Variants in PDE1C observed in about 807,000 individuals in gnomAD.
PDE1C encodes the protein dual specificity calcium/calmodulin-dependent 3',5'-cyclic nucleotide phosphodiesterase 1C.
In PDE1C, 62 loss-of-function variants were observed where a neutral mutation model predicts 93.1. The observed-to-expected ratio is 0.67, with a 90% confidence interval of 0.54 to 0.82. PDE1C has a LOEUF of 0.82. Among genes scored for constraint, PDE1C ranks in the 40% least tolerant of loss-of-function variants. The pLI is 0.00. For missense variants in PDE1C, 742 were observed against 884.6 expected, an observed-to-expected ratio of 0.84 and a Z score of 2.04; for synonymous variants, 325 against 310.1, an observed-to-expected ratio of 1.05 and a Z score of -0.50.
Position 31,844,897 on chromosome 7 carries a change from T to C in PDE1C, c.980+3071A>G, listed in dbSNP as rs1226628135. 1.3e-5 allele frequency among the ~76,000 whole-genome samples: 2 copies of C among 152,106 alleles called. 1 individual carries two copies. Among genetic ancestry groups the C allele is most frequent in the African/African-American group, 4.8e-5 (2 of 41,448 alleles). On this transcript the variant is annotated intron_variant, in intron 9 of 17. Transcript: ENST00000396191. ...CTTTGAAACCTGAAAAATGAATTTT[T>C]AAAAGTCACTGTTTCCTTCTTCTGT...
chr7:32,285,896 C>G (rs1310792247), intron 1 of PDE1C, among the ~76,000 whole-genome samples: 1 of 151,954 alleles, frequency 6.6e-6, no homozygotes, highest in Non-Finnish European at 1.5e-5. Flanking sequence ...CAACCCCTCC[C>G]CCTGCATTAT....
At position 31,816,164 on chromosome 7, in the gene PDE1C, T is replaced by C. The variant is rs768131142; in HGVS notation, c.1583-10A>G. On this transcript the variant is annotated splice_polypyrimidine_tract_variant and intron_variant, in intron 14 of 17. Coordinates refer to ENST00000396191, the MANE Select transcript of PDE1C (RefSeq NM_001191057.4). ...TTCTTGGCCTTCTCCTCTGCATCCA[T>C]GGCAAGTTGGGAAAGCCACAGAAAA... is the stretch of plus-strand genomic sequence containing the variant. The C allele has an allele frequency of 1.1e-5, 17 of 1,610,342 alleles. No homozygotes were observed. Among genetic ancestry groups the C allele is most frequent in the African/African-American group, 1.3e-5 (1 of 74,656 alleles).
At chr7:31,648,418 T>A in the PDE1C span, among the ~76,000 whole-genome samples, 1 of 152,206 alleles carries the variant, frequency 6.6e-6, no homozygotes, top group South Asian at 2.1e-4. Context: ...CAGTTTTCTT[T>A]ATTATGAAAT....
intron 1 of PDE1C, among the ~76,000 whole-genome samples, chr7:32,334,872 C>A (rs892880473): frequency 6.6e-6 from 1 of 152,088 alleles, no homozygotes; most frequent in Non-Finnish European, 1.5e-5. Context: ...ATATGCATTT[C>A]TTTCTTTAAA....
chr7:32,127,802 C>A (rs1799668963), intron 3 of PDE1C, among the ~76,000 whole-genome samples: 1 of 151,800 alleles, frequency 6.6e-6, no homozygotes, highest in South Asian at 2.1e-4. Context: ...GTAAATTATC[C>A]CCTATTTAAC....
the PDE1C span, among the ~76,000 whole-genome samples, chr7:31,704,455 A>T: frequency 6.6e-6 from 1 of 152,210 alleles, no homozygotes; most frequent in South Asian, 2.1e-4. Context: ...CAAGTTCCCT[A>T]AACTCTTCTG....
chr7:31,867,239 G>A (rs554091043), intron 6 of PDE1C, among the ~76,000 whole-genome samples: 12 of 152,190 alleles, frequency 7.9e-5, no homozygotes, highest in Non-Finnish European at 1.6e-4. Context: ...ACCTGCAGCA[G>A]CTTCCATGGA....
At chr7:31,807,200 C>G (rs531363743) in intron 16 of PDE1C, among the ~76,000 whole-genome samples, 1 of 151,950 alleles carries the variant, frequency 6.6e-6, no homozygotes, top group South Asian at 2.1e-4. Context: ...GTGCAAACTT[C>G]CAAGTATACA....
chr7:31,744,908 G>T, the PDE1C span, among the ~76,000 whole-genome samples: 4 of 152,148 alleles, frequency 2.6e-5, no homozygotes, highest in African/African-American at 9.7e-5. Flanking sequence ...AAGGGCTGGA[G>T]CTGTGTTCCT....
At chr7:32,283,200 T>C (rs1304501073) in intron 1 of PDE1C, among the ~76,000 whole-genome samples, 5 of 152,162 alleles carry the variant, frequency 3.3e-5, no homozygotes, top group Admixed American at 2.6e-4. Context: ...CGTGATACCT[T>C]AAAAACTGTG....
At position 32,333,829 on chromosome 7, in the gene PDE1C, A is replaced by G. The variant is rs573104149; in HGVS notation, c.310+93993T>C. 1.6e-4 allele frequency among the ~76,000 whole-genome samples: 25 copies of G among 152,340 alleles called. 1 individual carries two copies. In the South Asian group the frequency reaches 4.1e-3, roughly 25 times the overall value. On this transcript the variant is annotated intron_variant, in intron 1 of 1. Coordinates refer to the PDE1C transcript ENST00000672256. ...GATTTTTAACCTTGCAGTTTTACCC[A>G]TTTTAACATAAACACATTAACATTG...
At chr7:31,769,452 A>G (rs1795343487) in intron 17 of PDE1C, among the ~76,000 whole-genome samples, 1 of 152,198 alleles carries the variant, frequency 6.6e-6, no homozygotes, top group Non-Finnish European at 1.5e-5. Flanking sequence ...CTTTCCATCT[A>G]AGAATTTGAG....
chr7:31,643,819 G>A, the PDE1C span: 44 of 1,613,720 alleles, frequency 2.7e-5, no homozygotes, highest in Admixed American at 6.7e-5. Context: ...TCACTGCCAC[G>A]GGGAGAGGCA....
chr7:31,990,483 G>C (rs982562026), intron 2 of PDE1C, among the ~76,000 whole-genome samples: 2 of 152,098 alleles, frequency 1.3e-5, no homozygotes, highest in Non-Finnish European at 2.9e-5. Context: ...TGAGCAGCAT[G>C]AGACTAGACT....
intron 2 of PDE1C, among the ~76,000 whole-genome samples, chr7:31,914,377 T>G (rs574918305): frequency 2.0e-5 from 3 of 152,316 alleles, no homozygotes; most frequent in Non-Finnish European, 4.4e-5. Context: ...CGAGAAGAAC[T>G]TAGTGATTCT....
intron 1 of PDE1C, among the ~76,000 whole-genome samples, chr7:32,218,289 C>G (rs1806575698): frequency 6.6e-6 from 1 of 152,230 alleles, no homozygotes; most frequent in Non-Finnish European, 1.5e-5. Flanking sequence ...ATTTGGCTGT[C>G]AAATCCACTC....
At chr7:32,366,207 T>C (rs1346764194) in intron 1 of PDE1C, among the ~76,000 whole-genome samples, 2 of 152,110 alleles carry the variant, frequency 1.3e-5, no homozygotes, top group Non-Finnish European at 2.9e-5. Context: ...ATGATTTGAA[T>C]GAGAAATTCA....
chr7:32,370,643 G>C (rs1365604208), intron 1 of PDE1C, among the ~76,000 whole-genome samples: 1 of 151,782 alleles, frequency 6.6e-6, no homozygotes, highest in Admixed American at 6.6e-5. Flanking sequence ...GTCATGGGGT[G>C]GGGGGAAGGG....
intron 3 of PDE1C, among the ~76,000 whole-genome samples, chr7:32,142,265 G>T (rs1008454268): frequency 6.6e-6 from 1 of 152,048 alleles, no homozygotes; most frequent in East Asian, 1.9e-4. Context: ...AAGGTACAAG[G>T]GCAAAGGCAC....
Sources: gnomAD v4.1 joint callset for allele counts (sites outside exome capture counted in the v4.1 genomes callset) on GRCh38, gnomAD v4.1.1 for gene constraint, MANE v1.5 for transcripts, NCBI Gene and HGNC (gene_info 2026-07-23, HGNC 2026-07-21) for gene names.